The following TFDP2 variants were observed in gnomAD, a reference collection of about 807,000 sequenced individuals.
TFDP2 encodes transcription factor Dp-2 (E2F dimerization partner 2).
In TFDP2, 17 loss-of-function variants were observed where a neutral mutation model predicts 59.3. That is an observed-to-expected ratio of 0.29 (90% confidence interval 0.20 to 0.43). The LOEUF (loss-of-function observed/expected upper bound fraction) is 0.43, where lower values mean the gene tolerates loss of function less well. Ranked by LOEUF, TFDP2 falls within the 20% of genes least tolerant of loss-of-function variation. The pLI is 1.00. For synonymous variants in TFDP2, 180 were observed against 194.7 expected, an observed-to-expected ratio of 0.92 and a Z score of 0.63; for missense variants, 391 against 528.8, an observed-to-expected ratio of 0.74 and a Z score of 2.56.
chr3:141,987,481 C>T (rs1942230136), intron 6 of TFDP2, among the ~76,000 whole-genome samples: 1 of 150,972 alleles, frequency 6.6e-6, no homozygotes, highest in Non-Finnish European at 1.5e-5. Context: ...CTGGGTTTCA[C>T]CATGTTGCCC....
intron 3 of TFDP2, among the ~76,000 whole-genome samples, chr3:142,008,883 T>G (rs764738130): frequency 6.6e-6 from 1 of 152,130 alleles, no homozygotes; most frequent in Non-Finnish European, 1.5e-5. Flanking sequence ...CAGACAACAG[T>G]GTGAAATAGA....
intron 3 of TFDP2, among the ~76,000 whole-genome samples, chr3:142,084,817 G>A (rs1016742749): frequency 1.3e-5 from 2 of 152,146 alleles, no homozygotes; most frequent in Non-Finnish European, 2.9e-5. Context: ...GGTTATCAGA[G>A]GCTGGGAAAC....
intron 3 of TFDP2, among the ~76,000 whole-genome samples, chr3:142,013,188 G>C (rs948423736): frequency 1.2e-4 from 18 of 151,928 alleles, no homozygotes; most frequent in African/African-American, 4.1e-4. Context: ...CTGAAAAAGA[G>C]AGAGAGAATG....
At chr3:142,105,275 A>G (rs902006800) in intron 1 of TFDP2, among the ~76,000 whole-genome samples, 1 of 152,108 alleles carries the variant, frequency 6.6e-6, no homozygotes, top group Non-Finnish European at 1.5e-5. Context: ...TGCCTACCCA[A>G]TATCATTTTC....
intron 3 of TFDP2, among the ~76,000 whole-genome samples, chr3:142,055,038 A>G (rs1264498551): frequency 6.6e-6 from 1 of 152,210 alleles, no homozygotes; most frequent in Non-Finnish European, 1.5e-5. Context: ...ATATTGGAAA[A>G]GTCATCACAG....
chr3:141,970,891 A>C lies in TFDP2; in HGVS notation c.664-750T>G, dbSNP rs377265704. 8.6e-5 allele frequency among the ~76,000 whole-genome samples: 13 copies of C among 151,958 alleles called. No individual in the cohort carries two copies. In the East Asian group the frequency reaches 1.6e-3, roughly 18 times the overall value. On this transcript the variant is annotated intron_variant, in intron 8 of 12. Coordinates refer to ENST00000489671, the MANE Select transcript of TFDP2 (RefSeq NM_001178139.2). ...AGTCTGGCCAACATGGCGAAACCCT[A>C]TCTCTACAAAAAATACAAAAGCCAG... is the stretch of plus-strand genomic sequence containing the variant.
intron 3 of TFDP2, among the ~76,000 whole-genome samples, chr3:142,087,926 C>T (rs1325423374): frequency 3.9e-5 from 6 of 152,158 alleles, no homozygotes; most frequent in African/African-American, 1.4e-4. Context: ...TTGTTACTTC[C>T]TCAGTGCATT....
At position 141,946,257 on chromosome 3, in the gene TFDP2, G is replaced by A. The variant is rs1181292960; in HGVS notation, c.*6256C>T. On this transcript the variant is annotated 3_prime_UTR_variant, in exon 13 of 13. Coordinates refer to ENST00000489671, the MANE Select transcript of TFDP2 (RefSeq NM_001178139.2). The stretch of plus-strand genomic sequence containing the variant: ...TGGGAGCGATGTTATCCCCGATCCT[G>A]AGACCTGCGGCGAAGGGGCGAGGCC... 1 of 152,280 alleles carries A rather than the reference G, an allele frequency of 6.6e-6. No homozygotes were observed. Among genetic ancestry groups the A allele is most frequent in the Admixed American group, 6.5e-5 (1 of 15,292 alleles). The allele number at this position is 152,280 out of a possible 1,614,324, so 9.4% of individuals were successfully genotyped here. A position where few individuals can be genotyped will look rare whatever the true frequency, so the allele number is the denominator to read the frequency against.
At chr3:142,001,869 T>C (rs1560009437) in intron 4 of TFDP2, among the ~76,000 whole-genome samples, 2 of 152,142 alleles carry the variant, frequency 1.3e-5, no homozygotes, top group African/African-American at 2.4e-5. Flanking sequence ...GGTTGTTGTT[T>C]AGTTCTTTTA....
intron 3 of TFDP2, among the ~76,000 whole-genome samples, chr3:142,048,221 C>A (rs1418907351): frequency 1.3e-5 from 2 of 151,862 alleles, no homozygotes; most frequent in Non-Finnish European, 2.9e-5. Flanking sequence ...TCAAGACCAG[C>A]CTGGGCAACA....
intron 3 of TFDP2, among the ~76,000 whole-genome samples, chr3:142,070,794 T>C (rs1015666129): frequency 2.0e-5 from 3 of 152,244 alleles, no homozygotes; most frequent in Admixed American, 2.0e-4. Context: ...TTTTATTTTA[T>C]TTAGTATCAA....
chr3:142,089,892 CA>C (rs1453670374), intron 3 of TFDP2, among the ~76,000 whole-genome samples: 4 of 151,712 alleles, frequency 2.6e-5, no homozygotes, highest in African/African-American at 9.7e-5. Flanking sequence ...TGAAAAATTA[CA>C]AAAAAGAAAA....
chr3:141,966,066 G>A (rs747532067), intron 9 of TFDP2, among the ~76,000 whole-genome samples: 1 of 151,816 alleles, frequency 6.6e-6, no homozygotes, highest in Non-Finnish European at 1.5e-5. Flanking sequence ...GATAACTAAT[G>A]GCCCTTATGT....
chr3:142,058,995 T>C (rs1485287634), intron 3 of TFDP2, among the ~76,000 whole-genome samples: 1 of 152,174 alleles, frequency 6.6e-6, no homozygotes, highest in Non-Finnish European at 1.5e-5. Flanking sequence ...AATCTTCTCA[T>C]TAGAGTACAA....
chr3:141,967,426 G>A (rs529933490), intron 9 of TFDP2, among the ~76,000 whole-genome samples: 1 of 150,992 alleles, frequency 6.6e-6, no homozygotes, highest in East Asian at 2.0e-4. Flanking sequence ...CCAAGTAGCT[G>A]AGATTACAGG....
At position 141,963,817 on chromosome 3, in the gene TFDP2, A is replaced by C; in HGVS notation, c.879T>G (p.Ser293Arg). 1 of 1,612,106 alleles carries C rather than the reference A, an allele frequency of 6.2e-7. No individual in the cohort carries two copies. Among genetic ancestry groups the C allele is most frequent in the Non-Finnish European group, 8.5e-7 (1 of 1,179,368 alleles). ...ATCCCTAGTTCTCCACTCACTTGTC[A>C]CTGGAGATGCTGCAATCTATGACTG... ...RKTVIDCSIS[S>R]DKFEYLFNFD... is the part of the protein sequence containing the mutation. Residue 293 changes from serine to arginine, a missense_variant, in exon 10 of 13, where the codon AGT (serine) becomes AGG (arginine). By Grantham distance (110) the Ser-to-Arg change is moderately radical. Transcript: ENST00000489671.
At chr3:142,057,534 T>A (rs1369413514) in intron 3 of TFDP2, among the ~76,000 whole-genome samples, 6 of 152,186 alleles carry the variant, frequency 3.9e-5, no homozygotes, top group Non-Finnish European at 4.4e-5. Context: ...AATCTAAGGA[T>A]AATGTGCAAC....
chr3:142,126,945 CAAAA>C (rs780512383), intron 1 of TFDP2, among the ~76,000 whole-genome samples: 1 of 55,452 alleles, frequency 1.8e-5, no homozygotes. Flanking sequence ...GACCTTGTCT[CAAAA>C]AAAAAAAAAA....
intron 3 of TFDP2, among the ~76,000 whole-genome samples, chr3:142,090,307 A>C (rs2108611411): frequency 6.6e-6 from 1 of 152,286 alleles, no homozygotes; most frequent in East Asian, 1.9e-4. Flanking sequence ...TAGCTATTTC[A>C]AAATCTGATC....
Sources: allele counts gnomAD v4.1 joint callset (sites outside exome capture counted in the v4.1 genomes callset), GRCh38; gene constraint gnomAD v4.1.1; transcripts MANE v1.5; gene names NCBI Gene and HGNC (gene_info 2026-07-23, HGNC 2026-07-21).